Variants in NCALD observed in about 807,000 individuals in gnomAD.
NCALD encodes the protein neurocalcin delta.
Under a neutral mutation model 18.6 loss-of-function variants are expected in NCALD, and 10 were observed. The ratio of observed to expected loss-of-function variants is 0.54; its 90% CI spans 0.33 to 0.91. NCALD has a LOEUF of 0.91. Ranked by LOEUF, NCALD falls within the 40% of genes least tolerant of loss-of-function variation. The pLI is 0.03. For synonymous variants in NCALD, 88 were observed against 87.4 expected, an observed-to-expected ratio of 1.01 and a Z score of -0.04; for missense variants, 184 against 247.6, an observed-to-expected ratio of 0.74 and a Z score of 1.72.
intron 4 of NCALD, among the ~76,000 whole-genome samples, chr8:101,824,494 T>C (rs1813851846): frequency 6.6e-6 from 1 of 151,948 alleles, no homozygotes; most frequent in Non-Finnish European, 1.5e-5. Flanking sequence ...TTTTTTTGGC[T>C]GAACCAAAGC....
At chr8:101,949,539 G>A (rs936768386) in intron 2 of NCALD, among the ~76,000 whole-genome samples, 4 of 151,928 alleles carry the variant, frequency 2.6e-5, no homozygotes, top group Admixed American at 1.3e-4. Context: ...TTAATAACTC[G>A]GCCTCCCCGT....
intron 4 of NCALD, among the ~76,000 whole-genome samples, chr8:101,862,527 C>T (rs1252727726): frequency 6.6e-6 from 1 of 152,178 alleles, no homozygotes; most frequent in Admixed American, 6.6e-5. Flanking sequence ...TAATAGCAAA[C>T]TCTTCAAATT....
intron 1 of NCALD, among the ~76,000 whole-genome samples, chr8:102,115,123 G>T (rs1825745709): frequency 6.6e-6 from 1 of 152,122 alleles, no homozygotes; most frequent in East Asian, 1.9e-4. Context: ...ATTTTGTTGT[G>T]AGCCCCACAA....
intron 4 of NCALD, among the ~76,000 whole-genome samples, chr8:101,880,561 G>A (rs865929148): frequency 6.6e-6 from 1 of 152,230 alleles, no homozygotes; most frequent in South Asian, 2.1e-4. Context: ...CCAGCACGCT[G>A]TCACCTCTCA....
intron 1 of NCALD, among the ~76,000 whole-genome samples, chr8:101,719,925 G>T (rs118060468): frequency 6.6e-6 from 1 of 152,182 alleles, no homozygotes; most frequent in Admixed American, 6.5e-5. Context: ...CAGAGAGAGC[G>T]TGAGGTAGAG....
chr8:101,831,878 G>C (rs1814203190), intron 4 of NCALD, among the ~76,000 whole-genome samples: 1 of 152,180 alleles, frequency 6.6e-6, no homozygotes, highest in Non-Finnish European at 1.5e-5. Context: ...TGCCCCCAGA[G>C]GCATGGAAAC....
chr8:101,841,862 C>T (rs1042282452), intron 4 of NCALD, among the ~76,000 whole-genome samples: 1 of 152,070 alleles, frequency 6.6e-6, no homozygotes, highest in Non-Finnish European at 1.5e-5. Context: ...TCACTCTAGG[C>T]TACCCCTTGG....
intron 4 of NCALD, among the ~76,000 whole-genome samples, chr8:101,854,180 GT>G (rs758666161): frequency 3.0e-4 from 46 of 152,206 alleles, no homozygotes; most frequent in Non-Finnish European, 7.3e-5. Context: ...TCTCTGAGTT[GT>G]TTGCACTATT....
At chr8:101,944,888 G>A (rs1490847790) in intron 2 of NCALD, among the ~76,000 whole-genome samples, 1 of 152,104 alleles carries the variant, frequency 6.6e-6, no homozygotes, top group Non-Finnish European at 1.5e-5. Flanking sequence ...TTCTGCTCTT[G>A]CCCACACCTC....
At chr8:102,108,762 A>C (rs1173356899) in intron 1 of NCALD, among the ~76,000 whole-genome samples, 1 of 152,186 alleles carries the variant, frequency 6.6e-6, no homozygotes, top group Non-Finnish European at 1.5e-5. Context: ...TAATAATAAT[A>C]ATGCTCCTGG....
intron 1 of NCALD, among the ~76,000 whole-genome samples, chr8:101,784,481 C>A (rs760207020): frequency 2.0e-5 from 3 of 152,106 alleles, no homozygotes; most frequent in Non-Finnish European, 4.4e-5. Flanking sequence ...GACTTCACCT[C>A]CTGATGGAGA....
intron 2 of NCALD, among the ~76,000 whole-genome samples, chr8:101,941,700 A>G (rs527239452): frequency 1.3e-5 from 2 of 152,144 alleles, no homozygotes; most frequent in Non-Finnish European, 2.9e-5. Context: ...ACCTGCAAAA[A>G]TGTTTATGGG....
intron 4 of NCALD, among the ~76,000 whole-genome samples, chr8:101,860,578 A>G (rs1364297323): frequency 6.6e-6 from 1 of 152,238 alleles, no homozygotes; most frequent in East Asian, 1.9e-4. Context: ...AAGTTGTACA[A>G]GAAAGGAAAT....
At chr8:101,840,911 T>C (rs2131288760) in intron 4 of NCALD, among the ~76,000 whole-genome samples, 1 of 152,304 alleles carries the variant, frequency 6.6e-6, no homozygotes, top group African/African-American at 2.4e-5. Flanking sequence ...AAATTTAAAA[T>C]TTACCAACCT....
chr8:102,011,436 C>T (rs1821899975), intron 2 of NCALD, among the ~76,000 whole-genome samples: 1 of 152,178 alleles, frequency 6.6e-6, no homozygotes, highest in Non-Finnish European at 1.5e-5. Flanking sequence ...AGAATGTTAA[C>T]TTCCCAGCTA....
At chr8:101,820,153 G>A (rs75018358) in intron 4 of NCALD, among the ~76,000 whole-genome samples, 57 of 152,076 alleles carry the variant, frequency 3.7e-4, no homozygotes, top group Non-Finnish European at 6.6e-4. Context: ...AAGACAATTC[G>A]CCCATCTCCT....
intron 2 of NCALD, among the ~76,000 whole-genome samples, chr8:101,953,890 G>A (rs991015841): frequency 2.6e-5 from 4 of 152,206 alleles, no homozygotes; most frequent in Non-Finnish European, 4.4e-5. Flanking sequence ...ATGGAAAACC[G>A]CCATCAATCC....
chr8:101,927,627 G>C (rs1272854860), intron 2 of NCALD, among the ~76,000 whole-genome samples: 1 of 152,160 alleles, frequency 6.6e-6, no homozygotes, highest in East Asian at 1.9e-4. Context: ...ACAGAAGAAA[G>C]TGGCATGAGA....
intron 1 of NCALD, among the ~76,000 whole-genome samples, chr8:102,106,857 G>A (rs1587096290): frequency 6.6e-6 from 1 of 152,190 alleles, no homozygotes; most frequent in African/African-American, 2.4e-5. Flanking sequence ...CAACAGCTAA[G>A]CCCAATCCAT....
Sources: gnomAD v4.1 joint callset for allele counts (sites outside exome capture counted in the v4.1 genomes callset) on GRCh38, gnomAD v4.1.1 for gene constraint, MANE v1.5 for transcripts, NCBI Gene and HGNC (gene_info 2026-07-23, HGNC 2026-07-21) for gene names.